The following NARS1 variants were observed in gnomAD, a reference collection of about 807,000 sequenced individuals.
The protein encoded by NARS1 is asparagine--tRNA ligase, cytoplasmic.
NARS1 carries 65 observed loss-of-function variants against 79.2 expected under a neutral mutation model. That is an observed-to-expected ratio of 0.82 (90% CI 0.67 to 1.01). The LOEUF is 1.01. Among genes scored for constraint, NARS1 ranks in the 50% least tolerant of loss-of-function variants. The probability of loss-of-function intolerance (pLI) is 0.00; values close to 1 mark genes in which losing one functional copy is unlikely to be tolerated. For synonymous variants in NARS1, 229 were observed against 238.8 expected, an observed-to-expected ratio of 0.96 and a Z score of 0.38; for missense variants, 649 against 673.8, an observed-to-expected ratio of 0.96 and a Z score of 0.41.
chr18:57,621,388 G>C (rs369726238), intron 1 of NARS1, among the ~76,000 whole-genome samples: 1 of 152,116 alleles, frequency 6.6e-6, no homozygotes, highest in African/African-American at 2.4e-5. Flanking sequence ...GCAGGAGTAG[G>C]GGCTACCCTG....
chr18:57,607,161 T>C lies in NARS1; in HGVS notation c.974A>G (p.Gln325Arg). 6.2e-7 allele frequency: 1 copy of C among 1,614,134 alleles called. No individual in the cohort carries two copies. Among genetic ancestry groups the C allele is most frequent in the South Asian group, 1.1e-5 (1 of 91,074 alleles). Residue 325 changes from glutamine (Q) to arginine (R), a missense_variant, in exon 9 of 14, where the codon CAG (glutamine) becomes CGG (arginine). Coordinates refer to ENST00000256854, the MANE Select transcript of NARS1 (RefSeq NM_004539.4). ...AGCCAGGTGCCTTCGTGTTCTGGAC[T>C]GCTCTGCCCGGTATGACTGAGCAAT... Reference protein sequence around the residue: ...FCIAQSYRAEQSRTRRHLAEY... With the variant: ...FCIAQSYRAERSRTRRHLAEY...
At chr18:57,620,501 G>A (rs1381494206) in intron 2 of NARS1, 68 bp downstream of exon 2, 1 of 1,108,132 alleles carries the variant, frequency 9.0e-7, no homozygotes, top group East Asian at 2.4e-5. Flanking sequence ...TTCTTGGCAA[G>A]TCACAAGAAA....
At chr18:57,616,948 CAAAAAAAAAAAAAAAAAAA>C (rs59363506) in intron 2 of NARS1, among the ~76,000 whole-genome samples, 3 of 72,786 alleles carry the variant, frequency 4.1e-5, no homozygotes, top group Non-Finnish European at 7.1e-5. Context: ...GACTCTGTCT[CAAAAAAAAAAAAAAAAAAA>C]AAAAAAAAAG....
chr18:57,616,011 C>T (rs370241968), intron 2 of NARS1, 36 bp from the exon 3 acceptor site: 28 of 1,526,114 alleles, frequency 1.8e-5, no homozygotes, highest in Non-Finnish European at 2.1e-5. Flanking sequence ...AGTTCTTGAA[C>T]ATTGTACAAT....
chr18:57,601,677 C>A lies in NARS1; in HGVS notation c.1622G>T (p.Arg541Leu). Reference sequence around the variant, plus strand: ...TTATGGCGTGCAACGCTGGACAAATCGAGGGTATAAGCACACGTCTCGGAT... The same window carrying A: ...TTATGGCGTGCAACGCTGGACAAATAGAGGGTATAAGCACACGTCTCGGAT... ...YHIRDVCLYP[R>L]FVQRCTP The change falls in exon 14 of 14, where the codon CGA (arginine) becomes CTA (leucine). Residue 541 changes from arginine to leucine, a missense_variant. Arg to Leu is a moderately radical substitution (Grantham distance 102). Transcript: ENST00000256854. The A allele has an allele frequency of 6.2e-7, 1 of 1,613,870 alleles. No individual in the cohort carries two copies. Among genetic ancestry groups the A allele is most frequent in the South Asian group, 1.1e-5 (1 of 91,076 alleles).
chr18:57,605,610 C>CAAA (rs11285116), intron 11 of NARS1, among the ~76,000 whole-genome samples: 6 of 109,610 alleles, frequency 5.5e-5, no homozygotes, highest in South Asian at 6.1e-4. Context: ...GACTCCGTCT[C>CAAA]AAAAAAAAAA....
intron 1 of NARS1, among the ~76,000 whole-genome samples, chr18:57,621,337 A>G (rs1177222929): frequency 5.9e-5 from 9 of 151,918 alleles, no homozygotes; most frequent in African/African-American, 2.2e-4. Flanking sequence ...AAAAACAACT[A>G]GAATCCTAAA....
rs1166556170 is a variant in NARS1 at position 57,601,406 on chromosome 18, A to G, written c.*246T>C. 16 of 346,756 alleles carry G rather than the reference A, an allele frequency of 4.6e-5. No homozygotes were observed. The highest frequency in any genetic ancestry group is 8.4e-4 in the Middle Eastern group (1 of 1,192). 21.5% of individuals were successfully genotyped at this position (346,756 alleles called of 1,614,324 possible). A position where few individuals can be genotyped will look rare whatever the true frequency, so the allele number is the denominator to read the frequency against. On this transcript the variant is annotated 3_prime_UTR_variant, in exon 14 of 14. Transcript: ENST00000256854. Reference sequence around the variant, plus strand: ...GAAATGTATCCCTAACTACAGTTTCATGCCAGGTATTTTCCCCGAACTTTG... The same window carrying G: ...GAAATGTATCCCTAACTACAGTTTCGTGCCAGGTATTTTCCCCGAACTTTG...
At chr18:57,605,166 C>T (rs1053811875) in intron 11 of NARS1, among the ~76,000 whole-genome samples, 1 of 143,708 alleles carries the variant, frequency 7.0e-6, no homozygotes, top group Non-Finnish European at 1.5e-5. Context: ...TATATACCAA[C>T]ATTTTGCATG....
intron 5 of NARS1, among the ~76,000 whole-genome samples, chr18:57,612,406 A>G (rs967926821): frequency 1.3e-5 from 2 of 152,176 alleles, no homozygotes; most frequent in Non-Finnish European, 2.9e-5. Context: ...AAATCCGCTT[A>G]AAACATTTCA....
intron 5 of NARS1, among the ~76,000 whole-genome samples, chr18:57,612,109 C>T (rs974648877): frequency 2.0e-5 from 3 of 152,144 alleles, no homozygotes; most frequent in Admixed American, 2.0e-4. Context: ...CAAGTTCAGA[C>T]CTCCCACATG....
At chr18:57,605,811 G>A in intron 11 of NARS1, 46 bp downstream of exon 11, 2 of 1,291,728 alleles carry the variant, frequency 1.5e-6, no homozygotes, top group African/African-American at 1.5e-5. Flanking sequence ...GAAGAGAATT[G>A]GAGCCCAATC....
chr18:57,605,705 A>C lies in NARS1; in HGVS notation c.1251+152T>G, dbSNP rs2051549330. On this transcript the variant is annotated intron_variant, in intron 11 of 13. Transcript: ENST00000256854. Reference sequence around the variant, plus strand: ...GTCCTAAGGCTGACTCTGTTAACTCAGCGAATCTGCAGGCAACCCAAGAAG... The same window carrying C: ...GTCCTAAGGCTGACTCTGTTAACTCCGCGAATCTGCAGGCAACCCAAGAAG... The C allele has an allele frequency of 1.2e-5, 7 of 600,328 alleles. No individual in the cohort carries two copies. The East Asian group carries it at 2.1e-4, about 18-fold the overall frequency. The allele number at this position is 600,328 out of a possible 1,614,324, so 37.2% of individuals were successfully genotyped here. A position where few individuals can be genotyped will look rare whatever the true frequency, so the allele number is the denominator to read the frequency against.
At chr18:57,602,095 A>ACCTTCTTCATT (rs1361701339) in intron 13 of NARS1, among the ~76,000 whole-genome samples, 1 of 152,230 alleles carries the variant, frequency 6.6e-6, no homozygotes, top group African/African-American at 2.4e-5. Context: ...GAAGGGTACT[A>ACCTTCTTCATT]GATACTGGTA....
rs1225875682 is a variant in NARS1, at chr18:57,601,668, T to G, written c.1631A>C (p.Gln544Pro). 2 of 1,614,054 alleles carry G rather than the reference T, an allele frequency of 1.2e-6. No individual in the cohort carries two copies. Among genetic ancestry groups the G allele is most frequent in the Admixed American group, 1.7e-5 (1 of 60,026 alleles). ...AGAAAATGGTTATGGCGTGCAACGCTGGACAAATCGAGGGTATAAGCACAC... is the reference window on the plus strand; with the variant it reads ...AGAAAATGGTTATGGCGTGCAACGCGGGACAAATCGAGGGTATAAGCACAC... ...RDVCLYPRFV[Q>P]RCTP Residue 544 changes from glutamine to proline, a missense_variant, in exon 14 of 14, where the codon CAG becomes CCG. Coordinates refer to ENST00000256854, the MANE Select transcript of NARS1 (RefSeq NM_004539.4).
At position 57,619,266 on chromosome 18, in the gene NARS1, ATTTTTTTTTT is replaced by A. The variant is rs57667136; in HGVS notation, c.93+1293_93+1302del. 3.6e-3 allele frequency among the ~76,000 whole-genome samples: 449 copies of A among 123,730 alleles called. 2 individuals are homozygous for A. Among genetic ancestry groups the A allele is most frequent in the Non-Finnish European group, 5.9e-3 (356 of 60,412 alleles). 81.2% of individuals were successfully genotyped at this position (123,730 alleles called of 152,430 possible). On this transcript the variant is annotated intron_variant, in intron 2 of 13. Transcript: ENST00000256854. ...CATACCATACCACCATGCCTGGCTA[ATTTTTTTTTT>A]TTTTTTTTTTTGGTAGTTGGCTGAG...
intron 4 of NARS1, 89 bp from the exon 5 acceptor site, chr18:57,613,769 G>T: frequency 9.2e-7 from 1 of 1,090,592 alleles, no homozygotes; most frequent in Non-Finnish European, 1.4e-6. Context: ...GGTAGTAAGT[G>T]TTAAAAATCA....
chr18:57,612,355 A>G (rs2051610738), intron 5 of NARS1, among the ~76,000 whole-genome samples: 2 of 152,170 alleles, frequency 1.3e-5, no homozygotes, highest in African/African-American at 4.8e-5. Context: ...TCTTGAACAA[A>G]ATCACTTTTT....
At chr18:57,620,111 T>C (rs1166011614) in intron 2 of NARS1, among the ~76,000 whole-genome samples, 1 of 152,122 alleles carries the variant, frequency 6.6e-6, no homozygotes, top group Non-Finnish European at 1.5e-5. Flanking sequence ...CATTCTAGCT[T>C]GAAGCTCCAG....
Sources: allele counts gnomAD v4.1 joint callset (sites outside exome capture counted in the v4.1 genomes callset), GRCh38; gene constraint gnomAD v4.1.1; transcripts MANE v1.5; gene names NCBI Gene and HGNC (gene_info 2026-07-23, HGNC 2026-07-21).